FAM13A: variants seen among roughly 807,000 people sequenced by gnomAD.
The protein encoded by FAM13A is family with sequence similarity 13 member A.
In FAM13A, 76 loss-of-function variants were observed where a neutral mutation model predicts 129.6. That is an observed-to-expected ratio of 0.59 (90% CI 0.49 to 0.71). The LOEUF (loss-of-function observed/expected upper bound fraction) is 0.71. FAM13A is among the 30% of genes least tolerant of loss of function. The probability of loss-of-function intolerance (pLI) is 0.00; values close to 1 mark genes in which losing one functional copy is unlikely to be tolerated. For synonymous variants in FAM13A, 443 were observed against 449.9 expected (o/e 0.98, Z 0.20); for missense variants, 1,108 against 1,249.3 (o/e 0.89, Z 1.70).
chr4:88,907,384 T>C (rs1369817680), intron 5 of FAM13A, among the ~76,000 whole-genome samples: 1 of 152,248 alleles, frequency 6.6e-6, no homozygotes, highest in Non-Finnish European at 1.5e-5. Flanking sequence ...GTTTAGTTTA[T>C]GGCTAATTCG....
At chr4:88,871,476 G>A (rs1348565038) in intron 6 of FAM13A, among the ~76,000 whole-genome samples, 2 of 152,174 alleles carry the variant, frequency 1.3e-5, no homozygotes, top group Non-Finnish European at 2.9e-5. Flanking sequence ...TGAAAACCAT[G>A]GCACAAGAAC....
At chr4:88,809,980 C>G (rs890143276) in intron 7 of FAM13A, among the ~76,000 whole-genome samples, 2 of 151,206 alleles carry the variant, frequency 1.3e-5, no homozygotes, top group Admixed American at 1.3e-4. Flanking sequence ...TTTTTGTAAA[C>G]CCAGGCAGCT....
chr4:89,041,430 C>A (rs1336507304), intron 1 of FAM13A, among the ~76,000 whole-genome samples: 3 of 152,132 alleles, frequency 2.0e-5, no homozygotes, highest in Non-Finnish European at 4.4e-5. Flanking sequence ...GCAAATTTTT[C>A]TTGCTAAAAA....
At chr4:88,896,321 G>T (rs565138314) in intron 6 of FAM13A, among the ~76,000 whole-genome samples, 1 of 151,890 alleles carries the variant, frequency 6.6e-6, no homozygotes, top group African/African-American at 2.4e-5. Flanking sequence ...CCTAATGCTA[G>T]ATGACGAGTT....
At chr4:88,831,108 GA>G (rs1408651051) in intron 7 of FAM13A, among the ~76,000 whole-genome samples, 8 of 152,180 alleles carry the variant, frequency 5.3e-5, no homozygotes, top group Admixed American at 3.9e-4. Flanking sequence ...CTGGGACAGG[GA>G]AAAATCCACA....
chr4:88,959,129 G>C (rs1362855693), intron 4 of FAM13A, among the ~76,000 whole-genome samples: 3 of 152,208 alleles, frequency 2.0e-5, no homozygotes, highest in African/African-American at 7.2e-5. Flanking sequence ...AAGTGAAAGG[G>C]ACATGCCTTG....
intron 4 of FAM13A, among the ~76,000 whole-genome samples, chr4:88,982,725 G>A (rs933592030): frequency 1.3e-5 from 2 of 152,126 alleles, no homozygotes; most frequent in African/African-American, 2.4e-5. Context: ...TAGAAACTGG[G>A]ATATTGGGGA....
At position 89,031,416 on chromosome 4, in the gene FAM13A, T is replaced by G. The variant is rs147150573; in HGVS notation, c.28-1767A>C. On this transcript the variant is annotated intron_variant, in intron 1 of 23. Transcript: ENST00000264344. ...AACAAGACTGGATTGAATCCCATTCTGACTCTTATTAGCTATAACCTTGCA... is the reference window on the plus strand; with the variant it reads ...AACAAGACTGGATTGAATCCCATTCGGACTCTTATTAGCTATAACCTTGCA... Among the ~76,000 whole-genome samples the G allele has an allele frequency of 1.8e-3, 281 of 152,340 alleles. 1 individual carries two copies. The highest frequency in any genetic ancestry group is 3.5e-3 in the Admixed American group (53 of 15,306).
At position 88,731,440 on chromosome 4, in the gene FAM13A, G is replaced by A. The variant is rs377481966; in HGVS notation, c.2844-12C>T. On this transcript the variant is annotated splice_polypyrimidine_tract_variant and intron_variant, in intron 22 of 23. Coordinates refer to ENST00000264344, the MANE Select transcript of FAM13A (RefSeq NM_014883.4). ...CCAGGAGTTCAGGTCTAAGAGAGAG[G>A]AAGCATTGCAAGGAAATTAAGTTAA... 2 of 1,466,812 alleles carry A rather than the reference G, an allele frequency of 1.4e-6. No individual in the cohort carries two copies. The highest frequency in any genetic ancestry group is 2.8e-5 in the African/African-American group (2 of 71,518). The allele number at this position is 1,466,812 out of a possible 1,614,324, so 90.9% of individuals were successfully genotyped here. A position where few individuals can be genotyped will look rare whatever the true frequency, so the allele number is the denominator to read the frequency against.
chr4:88,993,373 C>T (rs1178088519), intron 3 of FAM13A, among the ~76,000 whole-genome samples: 1 of 152,120 alleles, frequency 6.6e-6, no homozygotes, highest in Non-Finnish European at 1.5e-5. Flanking sequence ...GGTGTTTGCT[C>T]TCTGTTTAAA....
In FAM13A at chr4:88,767,429, T is replaced by C. The variant is rs1057152263; in HGVS notation, c.1578+124A>G. 2.0e-5 allele frequency: 11 copies of C among 559,538 alleles called. No individual in the cohort carries two copies. The African/African-American group carries it at 2.1e-4, about 11-fold the overall frequency. 34.7% of individuals were successfully genotyped at this position (559,538 alleles called of 1,614,324 possible). ...TCTTTAAGTTTGGTATTTGCCTTTCTAATCAATCACAGTTATATTACTTAT... is the reference window on the plus strand; with the variant it reads ...TCTTTAAGTTTGGTATTTGCCTTTCCAATCAATCACAGTTATATTACTTAT... On this transcript the variant is annotated intron_variant, in intron 13 of 23. Transcript: ENST00000264344.
intron 7 of FAM13A, among the ~76,000 whole-genome samples, chr4:88,809,711 C>A (rs1410083281): frequency 4.6e-5 from 7 of 152,006 alleles, no homozygotes. Flanking sequence ...ACATAAAGTG[C>A]AACACATGTA....
At chr4:88,761,780 T>A (rs1283069525) in intron 13 of FAM13A, among the ~76,000 whole-genome samples, 1 of 152,178 alleles carries the variant, frequency 6.6e-6, no homozygotes, top group Non-Finnish European at 1.5e-5. Context: ...TAGGGCTGCC[T>A]ATTATGTCTT....
chr4:88,937,314 A>G (rs1754007986), intron 5 of FAM13A: 1 of 152,194 alleles, frequency 6.6e-6, no homozygotes, highest in Non-Finnish European at 1.5e-5. Context: ...AGCAAAGAGT[A>G]TGTTATGGTC....
chr4:89,030,253 C>T (rs144481347), intron 1 of FAM13A, among the ~76,000 whole-genome samples: 92 of 151,764 alleles, frequency 6.1e-4, no homozygotes, highest in African/African-American at 2.1e-3. Flanking sequence ...TAGGTAGTTG[C>T]AATTTTAAAT....
intron 5 of FAM13A, among the ~76,000 whole-genome samples, chr4:88,916,584 G>A (rs960834949): frequency 2.0e-5 from 3 of 152,142 alleles, no homozygotes; most frequent in Admixed American, 6.5e-5. Flanking sequence ...TATTTGCACA[G>A]AGGTTTAAAT....
intron 6 of FAM13A, among the ~76,000 whole-genome samples, chr4:88,880,820 T>G (rs1743435430): frequency 7.2e-6 from 1 of 138,990 alleles, no homozygotes; most frequent in Non-Finnish European, 1.5e-5. Flanking sequence ...GAGACTGGCC[T>G]TTTGGGCTGC....
chr4:88,737,413 G>C, intron 21 of FAM13A, 59 bp downstream of exon 21: 1 of 1,407,948 alleles, frequency 7.1e-7, no homozygotes. Flanking sequence ...CCGGAGGGGA[G>C]GGGAGGAGGG....
chr4:88,842,906 A>G (rs1291128844), intron 7 of FAM13A, among the ~76,000 whole-genome samples: 1 of 152,238 alleles, frequency 6.6e-6, no homozygotes, highest in African/African-American at 2.4e-5. Flanking sequence ...GTGAATGAGT[A>G]AAGAACAATT....
Sources: gnomAD v4.1 joint callset for allele counts (sites outside exome capture counted in the v4.1 genomes callset) on GRCh38, gnomAD v4.1.1 for gene constraint, MANE v1.5 for transcripts, NCBI Gene and HGNC (gene_info 2026-07-23, HGNC 2026-07-21) for gene names.